Variants in CEP152 observed in about 807,000 individuals in gnomAD.
CEP152 encodes the protein centrosomal protein of 152 kDa.
Under a neutral mutation model 188.9 loss-of-function variants are expected in CEP152, and 132 were observed. That is an observed-to-expected ratio of 0.70 (90% CI 0.61 to 0.81). CEP152 has a LOEUF of 0.81. CEP152 is among the 30% of genes least tolerant of loss of function. The pLI is 0.00. For synonymous variants in CEP152, 649 were observed against 666.6 expected (o/e 0.97, Z 0.41); for missense variants, 1,914 against 1,969.8 (o/e 0.97, Z 0.54).
Position 48,738,751 on chromosome 15 carries a change from C to G in CEP152, c.4631G>C (p.Ser1544Thr), listed in dbSNP as rs773294242. 6 of 1,614,222 alleles carry G rather than the reference C, an allele frequency of 3.7e-6. No homozygotes were observed. The Admixed American group carries it at 1.0e-4, about 27-fold the overall frequency. The change falls in exon 27 of 27, where the codon AGT becomes ACT. Residue 1544 changes from serine (S) to threonine (T), a missense_variant. Ser to Thr is a moderately conservative substitution (Grantham distance 58, BLOSUM62 1). Transcript: ENST00000380950. The part of the protein sequence containing the change: ...KVYKCNPLME[S>T]ENAASEKSQG... Reference sequence around the variant, plus strand: ...ACTTTTCTCAGATGCAGCATTTTCACTTTCCATTAGTGGATTGCATTTATA... The same window carrying G: ...ACTTTTCTCAGATGCAGCATTTTCAGTTTCCATTAGTGGATTGCATTTATA...
intron 24 of CEP152, among the ~76,000 whole-genome samples, 167 bp from the exon 25 acceptor site, chr15:48,742,267 T>A (rs1893036437): frequency 6.6e-6 from 1 of 152,224 alleles, no homozygotes; most frequent in African/African-American, 2.4e-5. Flanking sequence ...TAGATCATCA[T>A]TTTGGTAGAC....
chr15:48,789,155 C>G, intron 8 of CEP152, 154 bp from the exon 9 acceptor site: 1 of 704,108 alleles, frequency 1.4e-6, no homozygotes, highest in Non-Finnish European at 2.4e-6. Flanking sequence ...GGCTCAAGCT[C>G]CTTAAAACAA....
At chr15:48,770,032 T>C in intron 13 of CEP152, among the ~76,000 whole-genome samples, 1 of 152,270 alleles carries the variant, frequency 6.6e-6, no homozygotes, top group East Asian at 1.9e-4. Context: ...ATTGTTCATT[T>C]GTTTTTCCAC....
intron 9 of CEP152, among the ~76,000 whole-genome samples, chr15:48,787,729 AC>A (rs111607217): frequency 0.03 from 4,591 of 152,260 alleles, 273 homozygotes; most frequent in East Asian, 0.15. Flanking sequence ...AATTTTCCAT[AC>A]CCTCACATCT....
chr15:48,775,721 T>C (rs968158123), intron 12 of CEP152, among the ~76,000 whole-genome samples: 1 of 152,036 alleles, frequency 6.6e-6, no homozygotes, highest in Admixed American at 6.6e-5. Flanking sequence ...AGTAGATTAG[T>C]TGTCTGGAGC....
intron 2 of CEP152, among the ~76,000 whole-genome samples, chr15:48,803,670 T>C (rs75993070): frequency 0.011 from 1,684 of 152,254 alleles, 38 homozygotes; most frequent in African/African-American, 0.039. Flanking sequence ...CAGCATACAA[T>C]CTATCAAAGA....
intron 1 of CEP152, among the ~76,000 whole-genome samples, chr15:48,806,333 G>A (rs1054379443): frequency 1.4e-5 from 2 of 145,500 alleles, no homozygotes; most frequent in Non-Finnish European, 3.2e-5. Context: ...AGCAGTGACT[G>A]CTGCGGCAGA....
chr15:48,761,506 A>G (rs1433272744), intron 18 of CEP152, among the ~76,000 whole-genome samples: 1 of 152,194 alleles, frequency 6.6e-6, no homozygotes, highest in African/African-American at 2.4e-5. Flanking sequence ...TTTTTCCAAA[A>G]TAATATTAAG....
At chr15:48,752,270 C>A (rs1328223501) in intron 21 of CEP152, 79 bp downstream of exon 21, 15 of 1,611,024 alleles carry the variant, frequency 9.3e-6, no homozygotes, top group Non-Finnish European at 1.3e-5. Flanking sequence ...CATCTATGAT[C>A]TCCTTTTATC....
chr15:48,757,409 G>A (rs1447968754), intron 19 of CEP152, among the ~76,000 whole-genome samples: 1 of 152,162 alleles, frequency 6.6e-6, no homozygotes, highest in Non-Finnish European at 1.5e-5. Context: ...CCCAGAGCCT[G>A]GCAGATGATA....
At chr15:48,735,904 A>G (rs1353375169), downstream of CEP152, among the ~76,000 whole-genome samples, 2 of 152,142 alleles carry the variant, frequency 1.3e-5, no homozygotes, top group Admixed American at 6.6e-5. Flanking sequence ...AAACCTTTAG[A>G]TAGACTAAGA....
Position 48,797,960 on chromosome 15 carries a change from C to T in CEP152, c.179G>A (p.Gly60Asp). 5 of 1,613,678 alleles carry T rather than the reference C, an allele frequency of 3.1e-6. No homozygotes were observed. The highest frequency in any genetic ancestry group is 4.2e-6 in the Non-Finnish European group (5 of 1,179,740). Residue 60 changes from glycine to aspartate, a missense_variant, in exon 3 of 27, where the codon GGC becomes GAC. Physicochemically the swap from Gly to Asp is moderately conservative, Grantham distance 94 (BLOSUM62 -1). Coordinates refer to ENST00000380950, the MANE Select transcript of CEP152 (RefSeq NM_001194998.2). ...ELQYSDCSED[G>D]TDGQPHHPEQ... is the part of the protein sequence containing the mutation. ...TTCAGGTGCTTACTGTCCGTCTGTG[C>T]CATCCTCGCTGCAGTCCGAATACTG...
Position 48,738,955 on chromosome 15 carries a change from T to C in CEP152, c.4427A>G (p.His1476Arg), listed in dbSNP as rs1171285873. 2 of 1,613,992 alleles carry C rather than the reference T, an allele frequency of 1.2e-6. No homozygotes were observed. Among genetic ancestry groups the C allele is most frequent in the Non-Finnish European group, 8.5e-7 (1 of 1,179,892 alleles). The change falls in exon 27 of 27, where the codon CAC becomes CGC. Residue 1476 changes from histidine to arginine, a missense_variant. By Grantham distance (29) the His-to-Arg change is conservative. Coordinates refer to ENST00000380950, the MANE Select transcript of CEP152 (RefSeq NM_001194998.2). ...PCEGEGGFGL[H>R]KKKDLLSDNG... is the part of the protein sequence containing the mutation. The stretch of plus-strand genomic sequence containing the variant: ...ATCACTGAGTAGGTCTTTCTTCTTG[T>C]GCAAACCAAAGCCTCCTTCACCTTC...
At chr15:48,797,256 C>T (rs372045340) in intron 5 of CEP152, 45 bp downstream of exon 5, 10 of 1,589,966 alleles carry the variant, frequency 6.3e-6, no homozygotes, top group Non-Finnish European at 5.2e-6. Flanking sequence ...CACGCAAATG[C>T]GTGTGCACAC....
rs77535590 is a variant in CEP152, at chr15:48,763,098, G to A, written c.2281-426C>T. ...CAAAACCTGAACAATCTAAAAAATA[G>A]TTTTACTCACTTGAACACATTAGAA... On this transcript the variant is annotated intron_variant, in intron 17 of 26. Transcript: ENST00000380950. Among the ~76,000 whole-genome samples the A allele has an allele frequency of 3.5e-3, 537 of 152,152 alleles. 3 individuals carry two copies. Among genetic ancestry groups the A allele is most frequent in the African/African-American group, 0.013 (521 of 41,528 alleles).
intron 17 of CEP152, among the ~76,000 whole-genome samples, chr15:48,762,987 T>C: frequency 7.3e-6 from 1 of 136,170 alleles, no homozygotes; most frequent in East Asian, 2.5e-4. Context: ...GATGGCAGGA[T>C]TTAAAAAAAA....
At chr15:48,773,912 G>A (rs1397484323) in intron 12 of CEP152, among the ~76,000 whole-genome samples, 1 of 152,044 alleles carries the variant, frequency 6.6e-6, no homozygotes, top group African/African-American at 2.4e-5. Context: ...ATAGAAAGAA[G>A]TAGGAAAAAA....
intron 2 of CEP152, among the ~76,000 whole-genome samples, chr15:48,803,315 C>G (rs1819558280): frequency 6.6e-6 from 1 of 152,156 alleles, no homozygotes; most frequent in South Asian, 2.1e-4. Context: ...AAGACTGAGA[C>G]AGTTAAAAAA....
chr15:48,776,654 A>G (rs1365267689), intron 12 of CEP152, among the ~76,000 whole-genome samples: 1 of 152,172 alleles, frequency 6.6e-6, no homozygotes, highest in Non-Finnish European at 1.5e-5. Flanking sequence ...CACTAAAAGT[A>G]ATCTATAAAA....
Sources: gnomAD v4.1 joint callset for allele counts (sites outside exome capture counted in the v4.1 genomes callset) on GRCh38, gnomAD v4.1.1 for gene constraint, MANE v1.5 for transcripts, NCBI Gene and HGNC (gene_info 2026-07-23, HGNC 2026-07-21) for gene names.